DUOX2: variants seen among roughly 807,000 people sequenced by gnomAD.
DUOX2 encodes the protein dual oxidase 2.
DUOX2 carries 185 observed loss-of-function variants against 183.3 expected under a neutral mutation model. That is an observed-to-expected ratio of 1.01 (90% confidence interval 0.90 to 1.14). The LOEUF (loss-of-function observed/expected upper bound fraction) is 1.14, where lower values mean the gene tolerates loss of function less well. Ranked by LOEUF, DUOX2 falls within the 50% of genes most tolerant of loss-of-function variation. The probability of loss-of-function intolerance (pLI) is 0.00; values close to 1 mark genes in which losing one functional copy is unlikely to be tolerated. For synonymous variants in DUOX2, 788 were observed against 812.4 expected, an observed-to-expected ratio of 0.97 and a Z score of 0.51; for missense variants, 1,999 against 2,022.9, an observed-to-expected ratio of 0.99 and a Z score of 0.23.
At chr15:45,113,477 G>A in intron 1 of DUOX2, 52 bp from the exon 2 acceptor site, 2 of 1,436,692 alleles carry the variant, frequency 1.4e-6, no homozygotes, top group South Asian at 1.2e-5. Context: ...CACTGTTAGG[G>A]CGTCCTCTAT....
In DUOX2 at chr15:45,095,998, G is replaced by C. The variant is rs534696164; in HGVS notation, c.3910C>G (p.Arg1304Gly). The C allele has an allele frequency of 6.2e-7, 1 of 1,613,964 alleles. No homozygotes were observed. The highest frequency in any genetic ancestry group is 1.3e-5 in the African/African-American group (1 of 74,866). The change falls in exon 30 of 34, where the codon CGG becomes GGG. Residue 1304 changes from arginine (R) to glycine (G), a missense_variant. Around this residue, in one of 3 missense-constraint regions of DUOX2, gnomAD observed 1,628 missense variants for 1,608.6 expected, o/e 1.01. Transcript: ENST00000389039. ...GFEYKSGQWV[R>G]IACLALGTTE... ...GTCCCCAGAGCCAGGCAGGCGATCCGCACCCACTGTCCTGACTTGTACTCA... is the reference window on the plus strand; with the variant it reads ...GTCCCCAGAGCCAGGCAGGCGATCCCCACCCACTGTCCTGACTTGTACTCA...
chr15:45,100,488 G>A (rs1894051301), intron 23 of DUOX2: 8 of 607,152 alleles, frequency 1.3e-5, no homozygotes, highest in Admixed American at 2.9e-5. Flanking sequence ...CCCAGCACAG[G>A]CCTCAAGGCT....
In DUOX2 at chr15:45,112,677, C is replaced by A. The variant is rs886051198; in HGVS notation, c.202G>T (p.Gly68Cys). The A allele has an allele frequency of 1.2e-6, 2 of 1,612,630 alleles. No homozygotes were observed. Among genetic ancestry groups the A allele is most frequent in the East Asian group, 4.5e-5 (2 of 44,878 alleles). ...QRRVPANYAD[G>C]VYQALEEPQL... ...GGCTCCTCCAGAGCCTGATACACACCGTCGGCGTAATTGGCTGGTACGCGG... is the reference window on the plus strand; with the variant it reads ...GGCTCCTCCAGAGCCTGATACACACAGTCGGCGTAATTGGCTGGTACGCGG... Residue 68 changes from glycine to cysteine, a missense_variant, in exon 4 of 34, where the codon GGT becomes TGT. Physicochemically the swap from Gly to Cys is radical, Grantham distance 159 (BLOSUM62 -3). Around this residue, in one of 3 missense-constraint regions of DUOX2, gnomAD observed 356 missense variants for 356.4 expected, o/e 1.00. Coordinates refer to ENST00000389039, the MANE Select transcript of DUOX2 (RefSeq NM_001363711.2).
chr15:45,094,886 G>A, intron 32 of DUOX2, 50 bp downstream of exon 32: 1 of 1,611,136 alleles, frequency 6.2e-7, no homozygotes, highest in Non-Finnish European at 8.5e-7. Flanking sequence ...GCCTTACGCT[G>A]CCAATCCATC....
At position 45,103,446 on chromosome 15, in the gene DUOX2, G is replaced by GT. The variant is rs143341520; in HGVS notation, c.2654+513dup. Among the ~76,000 whole-genome samples the GT allele has an allele frequency of 8.3e-3, 1,254 of 151,420 alleles. 9 individuals carry two copies. The highest frequency in any genetic ancestry group is 0.014 in the Non-Finnish European group (936 of 67,788). On this transcript the variant is annotated intron_variant, in intron 20 of 33. Coordinates refer to ENST00000389039, the MANE Select transcript of DUOX2 (RefSeq NM_001363711.2). Reference sequence around the variant, plus strand: ...CTTCAGGAATGAGAAGCACAAAGCTGTTTTTTTTTACCGGCACAACAAAAC... The same window carrying GT: ...CTTCAGGAATGAGAAGCACAAAGCTGTTTTTTTTTTACCGGCACAACAAAAC...
At position 45,093,046 on chromosome 15, in the gene DUOX2, A is replaced by G. The variant is rs909657556; in HGVS notation, c.*1104T>C. The stretch of plus-strand genomic sequence containing the variant: ...GTACATGATTATTTATTATACCTCG[A>G]TGTAAAATATTTTACAGCTCAGCTT... On this transcript the variant is annotated 3_prime_UTR_variant, in exon 34 of 34. Transcript: ENST00000389039. 6.6e-5 allele frequency: 10 copies of G among 152,214 alleles called. No individual in the cohort carries two copies. Among genetic ancestry groups the G allele is most frequent in the Non-Finnish European group, 1.3e-4 (9 of 68,040 alleles). 9.4% of individuals were successfully genotyped at this position (152,214 alleles called of 1,614,324 possible). A position where few individuals can be genotyped will look rare whatever the true frequency, so the allele number is the denominator to read the frequency against.
chr15:45,104,703 G>A (rs1481255042), intron 18 of DUOX2, among the ~76,000 whole-genome samples: 1 of 152,254 alleles, frequency 6.6e-6, no homozygotes, highest in African/African-American at 2.4e-5. Flanking sequence ...CATGGTGGTA[G>A]ACAGGCAGGA....
At position 45,097,623 on chromosome 15, in the gene DUOX2, G is replaced by C; in HGVS notation, c.3684C>G (p.Leu1228=). ...CAGGGAAGTCCCTCACCAGGGCATA[G>C]AGCAGGATGTAGAGGTGGTGGGTCA... ...FWLTHHLYIL[L]YALLIIHGSY... The change falls in exon 28 of 34, where the codon CTC becomes CTG. Residue 1228 remains leucine (L), a synonymous_variant. Coordinates refer to ENST00000389039, the MANE Select transcript of DUOX2 (RefSeq NM_001363711.2). 6 of 1,614,254 alleles carry C rather than the reference G, an allele frequency of 3.7e-6. No individual in the cohort carries two copies. The highest frequency in any genetic ancestry group is 4.2e-6 in the Non-Finnish European group (5 of 1,180,042).
Position 45,100,736 on chromosome 15 carries a change from G to A in DUOX2, c.3005+19C>T, listed in dbSNP as rs186983657. On this transcript the variant is annotated intron_variant, in intron 23 of 33. Coordinates refer to ENST00000389039, the MANE Select transcript of DUOX2 (RefSeq NM_001363711.2). ...TCTCTCCATGTCTCTTTGGGCCCAG[G>A]GATTTGGGAGACACTCACTTTTTGC... 1,080 of 1,611,126 alleles carry A rather than the reference G, an allele frequency of 6.7e-4. 1 individual carries two copies. Among genetic ancestry groups the A allele is most frequent in the Non-Finnish European group, 8.5e-4 (995 of 1,177,252 alleles).
At chr15:45,110,047 C>T in intron 9 of DUOX2, 67 bp from the exon 10 acceptor site, 1 of 1,436,044 alleles carries the variant, frequency 7.0e-7, no homozygotes, top group Non-Finnish European at 9.8e-7. Flanking sequence ...GTTGAGTGGG[C>T]TGAGGGACTC....
rs200238968 is a variant in DUOX2, at chr15:45,101,859, G to A, written c.2785C>T (p.Arg929Trp). Residue 929 changes from arginine to tryptophan, a missense_variant, in exon 21 of 34, where the codon CGG becomes TGG. Arg to Trp is a moderately radical substitution (Grantham distance 101). Around this residue, in one of 3 missense-constraint regions of DUOX2, gnomAD observed 1,628 missense variants for 1,608.6 expected, o/e 1.01. Transcript: ENST00000389039. ...AAGCGGAGCTCGCTGTCATGGTCCC[G>A]CAGCATGAAGTGAAAATCCTCCCAT... ...LTWEDFHFML[R>W]DHDSELRFTQ... 9.4e-5 allele frequency: 151 copies of A among 1,614,176 alleles called. No homozygotes were observed. The highest frequency in any genetic ancestry group is 7.5e-4 in the Admixed American group (45 of 60,026).
chr15:45,109,133 C>G, intron 11 of DUOX2, 181 bp from the exon 12 acceptor site: 1 of 771,824 alleles, frequency 1.3e-6, no homozygotes, highest in Non-Finnish European at 2.2e-6. Context: ...CATGGGTGAT[C>G]AGAGCCAGTT....
At chr15:45,107,527 G>A (rs895757622) in intron 13 of DUOX2, 64 bp from the exon 14 acceptor site, 12 of 1,541,174 alleles carry the variant, frequency 7.8e-6, no homozygotes, top group Non-Finnish European at 1.1e-5. Context: ...GCAACCCCAG[G>A]CCCAAGGACC....
chr15:45,098,129 G>T, intron 26 of DUOX2, 71 bp from the exon 27 acceptor site: 4 of 1,449,214 alleles, frequency 2.8e-6, no homozygotes, highest in South Asian at 2.3e-5. Context: ...AACACAGCAT[G>T]ACTCCTTTCC....
At chr15:45,107,933 G>T in intron 13 of DUOX2, 114 bp downstream of exon 13, 2 of 1,149,072 alleles carry the variant, frequency 1.7e-6, no homozygotes, top group Non-Finnish European at 2.6e-6. Context: ...GGTTGGGAAG[G>T]GTGTGGTGGG....
intron 30 of DUOX2, 56 bp downstream of exon 30, chr15:45,095,772 C>G: frequency 6.4e-7 from 1 of 1,571,144 alleles, no homozygotes; most frequent in Non-Finnish European, 8.7e-7. Flanking sequence ...TAGGGAAGGG[C>G]AGAGATCCTC....
Position 45,095,150 on chromosome 15 carries a change from G to A in DUOX2, c.4240-59C>T, listed in dbSNP as rs957679927. ...TCAGTTCAGCCTCCCTAGATCCCAG[G>A]TGCCTTCACCTGAGAGGCTGGGAAG... On this transcript the variant is annotated intron_variant, in intron 31 of 33. Transcript: ENST00000389039. 13 of 1,576,156 alleles carry A rather than the reference G, an allele frequency of 8.2e-6. No homozygotes were observed. In the African/African-American group the frequency reaches 1.8e-4, roughly 21 times the overall value.
Position 45,104,368 on chromosome 15 carries a change from G to T in DUOX2, c.2335-3C>A. On this transcript the variant is annotated splice_region_variant and splice_polypyrimidine_tract_variant and intron_variant, in intron 18 of 33. Transcript: ENST00000389039. ...TCGGCCTGGTTGATGTCCAGCACCT[G>T]CACTCGGGCAGCAGCAGAGGGAGGG... 3 of 1,613,156 alleles carry T rather than the reference G, an allele frequency of 1.9e-6. No homozygotes were observed. The highest frequency in any genetic ancestry group is 2.5e-6 in the Non-Finnish European group (3 of 1,179,626).
chr15:45,097,083 C>A (rs1157200684), intron 29 of DUOX2, among the ~76,000 whole-genome samples, 155 bp downstream of exon 29: 2 of 152,192 alleles, frequency 1.3e-5, no homozygotes, highest in East Asian at 1.9e-4. Context: ...TATCAGGAAA[C>A]CTTCAGGAAC....
Sources: allele counts gnomAD v4.1 joint callset (sites outside exome capture counted in the v4.1 genomes callset), GRCh38; gene constraint gnomAD v4.1.1; regional missense constraint gnomAD v4.1.1; transcripts MANE v1.5; gene names NCBI Gene and HGNC (gene_info 2026-07-23, HGNC 2026-07-21).